Variants in COL1A1 observed in about 807,000 individuals in gnomAD.
COL1A1 encodes collagen type I alpha 1 chain, also known as collagen alpha-1(I) chain.
A neutral mutation model predicts 195.7 loss-of-function variants in COL1A1; 21 were observed. The ratio of observed to expected loss-of-function variants is 0.11; its 90% CI spans 0.08 to 0.15. COL1A1 has a LOEUF of 0.15. Among genes scored for constraint, COL1A1 ranks in the 10% least tolerant of loss-of-function variants. COL1A1 has a pLI of 1.00. For synonymous variants in COL1A1, 749 were observed against 747.3 expected (o/e 1.00, Z -0.04); for missense variants, 1,365 against 2,051.0 (o/e 0.67, Z 6.46).
rs773571012 is a variant in COL1A1, at chr17:50,199,882, G to T, written c.169C>A (p.Pro57Thr). The T allele has an allele frequency of 1.2e-5, 19 of 1,614,186 alleles. No individual in the cohort carries two copies. Among genetic ancestry groups the T allele is most frequent in the East Asian group, 2.2e-5 (1 of 44,878 alleles). The stretch of plus-strand genomic sequence containing the variant: ...TTGTCGCAGACGCAGATCCGGCAGG[G>T]CTCGGGTTTCCACACGTCTCGGTCA... The part of the protein sequence containing the change: ...YHDRDVWKPE[P>T]CRICVCDNGK... Residue 57 changes from proline (P) to threonine (T), a missense_variant, in exon 2 of 51, where the codon CCC becomes ACC. By Grantham distance (38) the Pro-to-Thr change is conservative. Coordinates refer to ENST00000225964, the MANE Select transcript of COL1A1 (RefSeq NM_000088.4).
At position 50,194,903 on chromosome 17, in the gene COL1A1, TGG is replaced by T. The variant is rs1907437840; in HGVS notation, c.1354-77_1354-76del. 1 of 1,516,804 alleles carries T rather than the reference TGG, an allele frequency of 6.6e-7. No homozygotes were observed. The highest frequency in any genetic ancestry group is 1.1e-5 in the South Asian group (1 of 88,672). 94.0% of individuals were successfully genotyped at this position (1,516,804 alleles called of 1,614,324 possible). A position where few individuals can be genotyped will look rare whatever the true frequency, so the allele number is the denominator to read the frequency against. ...TGCCAGCCTCAGAGCCGGCTGAGGC[TGG>T]GCCTCCAGTGTCAGGGGTTCCTGGG... On this transcript the variant is annotated intron_variant, in intron 20 of 50. Coordinates refer to ENST00000225964, the MANE Select transcript of COL1A1 (RefSeq NM_000088.4). The surrounding 1 kb of genome is among the most constrained non-coding windows in gnomAD (Gnocchi z 6.8).
At chr17:50,191,731 A>C in intron 31 of COL1A1, 57 bp downstream of exon 31, 1 of 1,523,710 alleles carries the variant, frequency 6.6e-7, no homozygotes. Flanking sequence ...CTGCTGCAGG[A>C]GGGGTGAGAC....
rs372327842 is a variant in COL1A1 at position 50,190,266 on chromosome 17, C to G, written c.2451+61G>C. 1.4e-5 allele frequency: 19 copies of G among 1,349,354 alleles called. No individual in the cohort carries two copies. Among genetic ancestry groups the G allele is most frequent in the African/African-American group, 1.1e-4 (8 of 69,940 alleles). The allele number at this position is 1,349,354 out of a possible 1,614,324, so 83.6% of individuals were successfully genotyped here. On this transcript the variant is annotated intron_variant, in intron 35 of 50. Coordinates refer to ENST00000225964, the MANE Select transcript of COL1A1 (RefSeq NM_000088.4). This position sits in a 1 kb window ranked among gnomAD's most constrained non-coding sequence, Gnocchi z 4.7. ...ATGGCTGACGCCTTTGTCCTCATTC[C>G]GTCCCTCGAGGTCCCAGGTCCCAGT... is the stretch of plus-strand genomic sequence containing the variant.
At position 50,195,801 on chromosome 17, in the gene COL1A1, A is replaced by T; in HGVS notation, c.1056+122T>A. The T allele has an allele frequency of 4.4e-6, 6 of 1,355,492 alleles. No individual in the cohort carries two copies. The highest frequency in any genetic ancestry group is 6.2e-6 in the Non-Finnish European group (6 of 968,728). 84.0% of individuals were successfully genotyped at this position (1,355,492 alleles called of 1,614,324 possible). On this transcript the variant is annotated intron_variant, in intron 16 of 50. Transcript: ENST00000225964. This position sits in a 1 kb window ranked among gnomAD's most constrained non-coding sequence, Gnocchi z 4.3. ...TAAGATCAGAGACGGAGAACCCAGG[A>T]CAAAGGTGTTAGTGAACGGGCTGCT... is the stretch of plus-strand genomic sequence containing the variant.
rs1156978524 is a variant in COL1A1, at chr17:50,199,256, G to A, written c.441C>T (p.Pro147=). Residue 147 remains proline, a synonymous_variant, in exon 5 of 51, where the codon CCC becomes CCT. Transcript: ENST00000225964. ...QPGLPGPPGP[P]GPPGPPGLGG... ...CGAGGCCAGGGGGTCCGGGAGGTCC[G>A]GGGGGTCCGGGGGGTCCGGGAAGTC... 8 of 1,476,690 alleles carry A rather than the reference G, an allele frequency of 5.4e-6. No homozygotes were observed. Among genetic ancestry groups the A allele is most frequent in the East Asian group, 2.5e-5 (1 of 40,242 alleles). The allele number at this position is 1,476,690 out of a possible 1,614,324, so 91.5% of individuals were successfully genotyped here.
intron 45 of COL1A1, 122 bp from the exon 46 acceptor site, chr17:50,187,659 G>T: frequency 8.8e-7 from 1 of 1,132,670 alleles, no homozygotes; most frequent in Non-Finnish European, 1.3e-6. Context: ...TGGAAATCTA[G>T]CCCGAGGGTG....
rs563598815 is a variant in COL1A1 at position 50,192,003 on chromosome 17, C to G, written c.2005G>C (p.Ala669Pro). 2 of 1,612,924 alleles carry G rather than the reference C, an allele frequency of 1.2e-6. No individual in the cohort carries two copies. The highest frequency in any genetic ancestry group is 2.7e-5 in the African/African-American group (2 of 74,872). Residue 669 changes from alanine (A) to proline (P), a missense_variant, in exon 30 of 51, where the codon GCC becomes CCC. By Grantham distance (27) the Ala-to-Pro change is conservative. Transcript: ENST00000225964. ...ACTCTTGCTCCAGAGGGGCCAGGGG[C>G]GCCAAGGTCTCCAGGAACACCCTGA... is the stretch of plus-strand genomic sequence containing the variant. ...GEQGVPGDLG[A>P]PGPSGARGER...
At position 50,197,191 on chromosome 17, in the gene COL1A1, G is replaced by C; in HGVS notation, c.739C>G (p.Pro247Ala). The change falls in exon 10 of 51, where the codon CCT (proline) becomes GCT (alanine). Residue 247 changes from proline (P) to alanine (A), a missense_variant. Pro to Ala is a conservative substitution (Grantham distance 27). Coordinates refer to ENST00000225964, the MANE Select transcript of COL1A1 (RefSeq NM_000088.4). ...AGCCCCCTGCTCACCTGAGGCCCAG[G>C]AGGCCCACGCTCACCAGGACGACCA... ...KPGRPGERGP[P>A]GPQGARGLPG... The C allele has an allele frequency of 6.2e-7, 1 of 1,613,650 alleles. No individual in the cohort carries two copies. Among genetic ancestry groups the C allele is most frequent in the Non-Finnish European group, 8.5e-7 (1 of 1,180,028 alleles).
rs1248361075 is a variant in COL1A1 at position 50,199,244 on chromosome 17, T to A, written c.453A>T (p.Gly151=). The stretch of plus-strand genomic sequence containing the variant: ...CACTTACTCCTCCGAGGCCAGGGGG[T>A]CCGGGAGGTCCGGGGGGTCCGGGGG... ...PGPPGPPGPP[G]PPGLGGNFAP... Residue 151 remains glycine, a synonymous_variant, in exon 5 of 51, where the codon GGA becomes GGT. Transcript: ENST00000225964. 3.4e-6 allele frequency: 5 copies of A among 1,471,300 alleles called. No individual in the cohort carries two copies. Among genetic ancestry groups the A allele is most frequent in the Non-Finnish European group, 4.5e-6 (5 of 1,106,570 alleles). 91.1% of individuals were successfully genotyped at this position (1,471,300 alleles called of 1,614,324 possible).
chr17:50,193,354 C>T, intron 25 of COL1A1: 2 of 505,106 alleles, frequency 4.0e-6, no homozygotes, highest in Admixed American at 3.4e-5. Flanking sequence ...ACTGGGGGTG[C>T]CTATCATATC....
chr17:50,189,846 G>A lies in COL1A1; in HGVS notation c.2613+13C>T, dbSNP rs368380161. 3.9e-4 allele frequency: 625 copies of A among 1,607,522 alleles called. 4 individuals are homozygous for A. The South Asian group carries it at 4.3e-3, about 11-fold the overall frequency. On this transcript the variant is annotated intron_variant, in intron 37 of 50. Transcript: ENST00000225964. This position sits in a 1 kb window ranked among gnomAD's most constrained non-coding sequence, Gnocchi z 5.5. ...GAGGGGAGAGGCTCAACAGAGAGGC[G>A]GGTGATACTCACAGGGGGACCAGCG...
chr17:50,191,748 C>G, intron 31 of COL1A1, 40 bp downstream of exon 31: 1 of 1,548,330 alleles, frequency 6.5e-7, no homozygotes, highest in Non-Finnish European at 8.7e-7. Flanking sequence ...AGACCTGGTC[C>G]CTGGGCCACT....
At position 50,185,122 on chromosome 17, in the gene COL1A1, G is replaced by A; in HGVS notation, c.*380C>T. ...GGAAGGAGTGGAGGGGAGGCCCCAA[G>A]GGGGGTGTGGAGAAAGGAGCAGAAA... On this transcript the variant is annotated 3_prime_UTR_variant, in exon 51 of 51. Coordinates refer to ENST00000225964, the MANE Select transcript of COL1A1 (RefSeq NM_000088.4). The A allele has an allele frequency of 3.4e-6, 1 of 296,900 alleles. No homozygotes were observed. The highest frequency in any genetic ancestry group is 2.2e-5 in the African/African-American group (1 of 46,104). 18.4% of individuals were successfully genotyped at this position (296,900 alleles called of 1,614,324 possible).
rs1362318633 is a variant in COL1A1, at chr17:50,190,447, G to A, written c.2398-67C>T. 3 of 1,573,856 alleles carry A rather than the reference G, an allele frequency of 1.9e-6. No individual in the cohort carries two copies. The highest frequency in any genetic ancestry group is 2.7e-5 in the African/African-American group (2 of 74,142). ...AGGGAAGGCGGGGATGCGGTGAGGGGAGAGGCAAGGGGTGAAGGCACAGAC... is the reference window on the plus strand; with the variant it reads ...AGGGAAGGCGGGGATGCGGTGAGGGAAGAGGCAAGGGGTGAAGGCACAGAC... On this transcript the variant is annotated intron_variant, in intron 34 of 50. Transcript: ENST00000225964. The surrounding 1 kb of genome is among the most constrained non-coding windows in gnomAD (Gnocchi z 4.7).
chr17:50,188,271 T>G lies in COL1A1; in HGVS notation c.3208-122A>C. The G allele has an allele frequency of 4.8e-6, 5 of 1,052,428 alleles. No homozygotes were observed. The highest frequency in any genetic ancestry group is 6.8e-6 in the Non-Finnish European group (5 of 733,838). 65.2% of individuals were successfully genotyped at this position (1,052,428 alleles called of 1,614,324 possible). A position where few individuals can be genotyped will look rare whatever the true frequency, so the allele number is the denominator to read the frequency against. On this transcript the variant is annotated intron_variant, in intron 43 of 50. Coordinates refer to ENST00000225964, the MANE Select transcript of COL1A1 (RefSeq NM_000088.4). This position sits in a 1 kb window ranked among gnomAD's most constrained non-coding sequence, Gnocchi z 5.6. Reference sequence around the variant, plus strand: ...AGCTGCTTCCCACTGTGGCCATCTCTCCCAACTCCCAGGGAAACCTCCCCA... The same window carrying G: ...AGCTGCTTCCCACTGTGGCCATCTCGCCCAACTCCCAGGGAAACCTCCCCA...
chr17:50,195,858 G>T lies in COL1A1; in HGVS notation c.1056+65C>A. The T allele has an allele frequency of 6.5e-7, 1 of 1,537,912 alleles. No individual in the cohort carries two copies. Among genetic ancestry groups the T allele is most frequent in the Non-Finnish European group, 8.8e-7 (1 of 1,133,890 alleles). On this transcript the variant is annotated intron_variant, in intron 16 of 50. Coordinates refer to ENST00000225964, the MANE Select transcript of COL1A1 (RefSeq NM_000088.4). This position sits in a 1 kb window ranked among gnomAD's most constrained non-coding sequence, Gnocchi z 4.3. ...CCACTCTGGGTCCCTTTGGTTTGGG[G>T]AACAGGGAGACATGAACCCCTTGGC... is the stretch of plus-strand genomic sequence containing the variant.
Position 50,186,413 on chromosome 17 carries a change from A to C in COL1A1, c.3909T>G (p.Thr1303=). The change falls in exon 49 of 51, where the codon ACT becomes ACG. Residue 1303 remains threonine, a synonymous_variant. Coordinates refer to ENST00000225964, the MANE Select transcript of COL1A1 (RefSeq NM_000088.4). The surrounding 1 kb of genome is among the most constrained non-coding windows in gnomAD (Gnocchi z 5.3). ...METGETCVYP[T]QPSVAQKNWY... is the part of the protein sequence containing the mutation. ...AGTTCTTCTGGGCCACACTGGGCTG[A>C]GTGGGGTACACGCAGGTCTCACCAG... 4 of 1,614,116 alleles carry C rather than the reference A, an allele frequency of 2.5e-6. No homozygotes were observed. Among genetic ancestry groups the C allele is most frequent in the Non-Finnish European group, 3.4e-6 (4 of 1,180,022 alleles).
At position 50,192,634 on chromosome 17, in the gene COL1A1, C is replaced by A. The variant is rs770492541; in HGVS notation, c.1929+6G>T. ...TCCCAGCATCCTGACAGCCATGAGG[C>A]CTCACCTGGAATCCGGGGGAGCCAG... is the stretch of plus-strand genomic sequence containing the variant. On this transcript the variant is annotated splice_donor_region_variant and intron_variant, in intron 28 of 50. Coordinates refer to ENST00000225964, the MANE Select transcript of COL1A1 (RefSeq NM_000088.4). The A allele has an allele frequency of 1.2e-6, 2 of 1,614,096 alleles. No individual in the cohort carries two copies. The highest frequency in any genetic ancestry group is 1.3e-5 in the African/African-American group (1 of 74,926).
In COL1A1 at chr17:50,185,418, G is replaced by T. The variant is rs532232848; in HGVS notation, c.*84C>A. 6 of 1,534,354 alleles carry T rather than the reference G, an allele frequency of 3.9e-6. No individual in the cohort carries two copies. In the East Asian group the frequency reaches 6.8e-5, roughly 17 times the overall value. Reference sequence around the variant, plus strand: ...TCTCCCATTTTTTGGCTTTTGAGGGGGTTCAGTTTGGGTTGCTTGTCTGTT... The same window carrying T: ...TCTCCCATTTTTTGGCTTTTGAGGGTGTTCAGTTTGGGTTGCTTGTCTGTT... On this transcript the variant is annotated 3_prime_UTR_variant, in exon 51 of 51. Coordinates refer to ENST00000225964, the MANE Select transcript of COL1A1 (RefSeq NM_000088.4).
Sources: gnomAD v4.1 joint callset for allele counts on GRCh38, gnomAD v4.1.1 for gene constraint, Gnocchi (gnomAD v3.1) non-coding constraint, MANE v1.5 for transcripts, NCBI Gene and HGNC (gene_info 2026-07-23, HGNC 2026-07-21) for gene names.